The following TOR1A variants were observed in gnomAD, a reference collection of about 807,000 sequenced individuals.
The protein encoded by TOR1A is torsin family 1 member A, also known as torsin-1A.
A neutral mutation model predicts 31.4 loss-of-function variants in TOR1A; 18 were observed. The observed-to-expected ratio is 0.57, with a 90% CI of 0.40 to 0.85. TOR1A has a LOEUF of 0.85. Ranked by LOEUF, TOR1A falls within the 40% of genes least tolerant of loss-of-function variation. The probability of loss-of-function intolerance (pLI) is 0.00; values close to 1 mark genes in which losing one functional copy is unlikely to be tolerated. For synonymous variants in TOR1A, 168 were observed against 165.9 expected, an observed-to-expected ratio of 1.01 and a Z score of -0.10; for missense variants, 375 against 416.4, an observed-to-expected ratio of 0.90 and a Z score of 0.87.
In TOR1A at chr9:129,824,130, C is replaced by T. The variant is rs2031267847; in HGVS notation, c.-45G>A. Reference sequence around the variant, plus strand: ...TGCTTGTTCTCGCGCCGACCGCGAACCGGTGCAGCCGCCAGACCCACGCTT... The same window carrying T: ...TGCTTGTTCTCGCGCCGACCGCGAATCGGTGCAGCCGCCAGACCCACGCTT... On this transcript the variant is annotated 5_prime_UTR_variant, in exon 1 of 5. Coordinates refer to ENST00000351698, the MANE Select transcript of TOR1A (RefSeq NM_000113.3). The T allele has an allele frequency of 1.3e-6, 2 of 1,535,944 alleles. No individual in the cohort carries two copies. The highest frequency in any genetic ancestry group is 1.2e-5 in the South Asian group (1 of 84,136).
At chr9:129,816,255 G>A (rs1156947736) in intron 4 of TOR1A, among the ~76,000 whole-genome samples, 1 of 152,144 alleles carries the variant, frequency 6.6e-6, no homozygotes, top group East Asian at 1.9e-4. Context: ...CCCCGGGTCA[G>A]CCCAAATGCC....
intron 4 of TOR1A, among the ~76,000 whole-genome samples, chr9:129,817,330 C>T (rs1401615731): frequency 6.6e-6 from 1 of 152,226 alleles, no homozygotes; most frequent in Admixed American, 6.5e-5. Context: ...CATCTCTCCC[C>T]CTGAGCTGCC....
chr9:129,823,972 G>T lies in TOR1A; in HGVS notation c.114C>A (p.Ile38=). 1 of 1,611,378 alleles carries T rather than the reference G, an allele frequency of 6.2e-7. No individual in the cohort carries two copies. Among genetic ancestry groups the T allele is most frequent in the Non-Finnish European group, 8.5e-7 (1 of 1,179,540 alleles). Residue 38 remains isoleucine (I), a synonymous_variant, in exon 1 of 5, where the codon ATC becomes ATA. Coordinates refer to ENST00000351698, the MANE Select transcript of TOR1A (RefSeq NM_000113.3). ...CGAAGAGGCAGTAGAGACGCGGGTA[G>T]ATGTAGCCGGTGAGGACGCCGGCCA... ...LALAGVLTGY[I]YPRLYCLFAE... is the part of the protein sequence containing the mutation.
chr9:129,813,892 C>G lies in TOR1A; in HGVS notation c.*80G>C. ...TGGATTCCTCTTCCAGGGAAAGGAG[C>G]TGGGGGTGGAAGTGTGGAAGGACTG... On this transcript the variant is annotated 3_prime_UTR_variant, in exon 5 of 5. Transcript: ENST00000351698. 6.4e-7 allele frequency: 1 copy of G among 1,562,166 alleles called. No homozygotes were observed. The highest frequency in any genetic ancestry group is 8.8e-7 in the Non-Finnish European group (1 of 1,141,676).
At chr9:129,817,949 C>T (rs1038847758) in intron 4 of TOR1A, among the ~76,000 whole-genome samples, 3 of 150,746 alleles carry the variant, frequency 2.0e-5, no homozygotes, top group African/African-American at 7.3e-5. Flanking sequence ...CCTAGGAAGT[C>T]AAGACTCCAG....
Position 129,818,932 on chromosome 9 carries a change from G to A in TOR1A, c.445-12C>T, listed in dbSNP as rs1301058626. 3 of 1,611,184 alleles carry A rather than the reference G, an allele frequency of 1.9e-6. No homozygotes were observed. The highest frequency in any genetic ancestry group is 2.5e-6 in the Non-Finnish European group (3 of 1,179,924). ...AACTGTAACTGATCCTGAATTAAAAGGGGAAAAAGCGAACACAAAGTTCTC... is the reference window on the plus strand; with the variant it reads ...AACTGTAACTGATCCTGAATTAAAAAGGGAAAAAGCGAACACAAAGTTCTC... On this transcript the variant is annotated splice_polypyrimidine_tract_variant and intron_variant, in intron 2 of 4. Transcript: ENST00000351698.
In TOR1A at chr9:129,813,346, G is replaced by A. The variant is rs999610200; in HGVS notation, c.*626C>T. ...TTCAGGCTTATCTGTGGTGCCTGAA[G>A]GCGTCCTCTTACCTACTTGTCCTTC... On this transcript the variant is annotated 3_prime_UTR_variant, in exon 5 of 5. Coordinates refer to ENST00000351698, the MANE Select transcript of TOR1A (RefSeq NM_000113.3). 4.3e-5 allele frequency: 7 copies of A among 161,416 alleles called. No individual in the cohort carries two copies. Among genetic ancestry groups the A allele is most frequent in the Non-Finnish European group, 9.5e-5 (7 of 73,596 alleles). 10.0% of individuals were successfully genotyped at this position (161,416 alleles called of 1,614,324 possible).
chr9:129,819,943 T>A (rs7871202), intron 2 of TOR1A, among the ~76,000 whole-genome samples: 35,292 of 131,624 alleles, frequency 0.27, 4,478 homozygotes, highest in African/African-American at 0.29. Context: ...AAAAAAAAAA[T>A]AATAATAATA....
chr9:129,820,124 T>G (rs2131005628), intron 2 of TOR1A, among the ~76,000 whole-genome samples: 1 of 150,028 alleles, frequency 6.7e-6, no homozygotes, highest in Non-Finnish European at 1.5e-5. Flanking sequence ...TAAGCACTGT[T>G]CATATAACTT....
chr9:129,814,528 C>T (rs1332444068), intron 4 of TOR1A, among the ~76,000 whole-genome samples: 1 of 151,768 alleles, frequency 6.6e-6, no homozygotes, highest in Non-Finnish European at 1.5e-5. Context: ...CTGGGTGTGC[C>T]CTCTCCCTTG....
chr9:129,817,876 G>A (rs2031080660), intron 4 of TOR1A, among the ~76,000 whole-genome samples: 1 of 149,718 alleles, frequency 6.7e-6, no homozygotes, highest in East Asian at 2.0e-4. Context: ...AATTAGCCAG[G>A]CATGGTGGCG....
At chr9:129,823,784 C>G (rs2031252563) in intron 1 of TOR1A, 124 bp downstream of exon 1, 1 of 1,284,204 alleles carries the variant, frequency 7.8e-7, no homozygotes, top group East Asian at 2.6e-5. Flanking sequence ...CTAGTCCTAG[C>G]CCGGCCCTGG....
chr9:129,817,838 CAAAAAAAAAAA>C (rs760010551), intron 4 of TOR1A, among the ~76,000 whole-genome samples: 20 of 45,752 alleles, frequency 4.4e-4, no homozygotes, highest in South Asian at 1.4e-3. Context: ...CAGTCTCTAC[CAAAAAAAAAAA>C]AAAAAAAAAA....
chr9:129,818,422 C>T lies in TOR1A; in HGVS notation c.748+98G>A, dbSNP rs1324757040. 8 of 1,579,680 alleles carry T rather than the reference C, an allele frequency of 5.1e-6. No individual in the cohort carries two copies. In the South Asian group the frequency reaches 6.7e-5, roughly 13 times the overall value. On this transcript the variant is annotated intron_variant, in intron 4 of 4. Transcript: ENST00000351698. ...CTGAGAATCTGCATTTCTTTCTACCCAGCTCCCAGGTGATGCTGACAGTGA... is the reference window on the plus strand; with the variant it reads ...CTGAGAATCTGCATTTCTTTCTACCTAGCTCCCAGGTGATGCTGACAGTGA...
At chr9:129,818,264 C>T in intron 4 of TOR1A, 1 of 529,250 alleles carries the variant, frequency 1.9e-6, no homozygotes, top group Non-Finnish European at 3.4e-6. Flanking sequence ...GGTTACGCCA[C>T]TGCACTCCAG....
At position 129,814,184 on chromosome 9, in the gene TOR1A, T is replaced by G. The variant is rs1400969632; in HGVS notation, c.787A>C (p.Ile263Leu). 1.9e-6 allele frequency: 3 copies of G among 1,614,098 alleles called. No homozygotes were observed. The highest frequency in any genetic ancestry group is 2.5e-6 in the Non-Finnish European group (3 of 1,180,018). ...GGGAGGAAGGGAACAAAATAATCAA[T>G]GAGGTTCCGGTCAATTAAGCTGCTG... ...WHSSLIDRNL[I>L]DYFVPFLPLE... The change falls in exon 5 of 5, where the codon ATT (isoleucine) becomes CTT (leucine). Residue 263 changes from isoleucine (I) to leucine (L), a missense_variant. Ile to Leu is a conservative substitution (Grantham distance 5). Transcript: ENST00000351698.
At chr9:129,822,935 G>C in intron 1 of TOR1A, 89 bp from the exon 2 acceptor site, 1 of 1,584,998 alleles carries the variant, frequency 6.3e-7, no homozygotes, top group South Asian at 1.1e-5. Context: ...CAGCAAAGCC[G>C]TCTAGACGCC....
chr9:129,814,183 ATGAGGTTCCGGTCAATTAAGCTGC>A lies in TOR1A; in HGVS notation c.764_787del (p.Ser255_Leu262del). ...GGGGAGGAAGGGAACAAAATAATCA[ATGAGGTTCCGGTCAATTAAGCTGC>A]TGTGCCAGAAGCCACCTGGGAAGAA... is the stretch of plus-strand genomic sequence containing the variant. On this transcript the variant is annotated inframe_deletion, in exon 5 of 5. Coordinates refer to ENST00000351698, the MANE Select transcript of TOR1A (RefSeq NM_000113.3). 6.2e-7 allele frequency: 1 copy of A among 1,614,102 alleles called. No individual in the cohort carries two copies. The highest frequency in any genetic ancestry group is 8.5e-7 in the Non-Finnish European group (1 of 1,180,016).
At chr9:129,814,391 T>TGTA (rs2030981541) in intron 4 of TOR1A, among the ~76,000 whole-genome samples, 169 bp from the exon 5 acceptor site, 1 of 15,822 alleles carries the variant, frequency 6.3e-5, no homozygotes, top group African/African-American at 2.4e-4. Context: ...CCCCCCCACA[T>TGTA]CTACTAGGGG....
Sources: allele counts gnomAD v4.1 joint callset (sites outside exome capture counted in the v4.1 genomes callset), GRCh38; gene constraint gnomAD v4.1.1; transcripts MANE v1.5; gene names NCBI Gene and HGNC (gene_info 2026-07-23, HGNC 2026-07-21).